Variants in RBFOX3 observed in about 807,000 individuals in gnomAD.
RBFOX3 encodes the protein RNA binding protein fox-1 homolog 3.
RBFOX3 carries 17 observed loss-of-function variants against 48.7 expected under a neutral mutation model. The observed-to-expected ratio is 0.35, with a 90% CI of 0.24 to 0.52. The LOEUF (loss-of-function observed/expected upper bound fraction) is 0.52. Among genes scored for constraint, RBFOX3 ranks in the 20% least tolerant of loss-of-function variants. RBFOX3 has a pLI of 0.94. For missense variants in RBFOX3, 382 were observed against 497.5 expected (o/e 0.77, Z 2.21); for synonymous variants, 212 against 209.5 (o/e 1.01, Z -0.10).
At chr17:79,136,990 G>T (rs1157255304) in intron 4 of RBFOX3, among the ~76,000 whole-genome samples, 1 of 152,116 alleles carries the variant, frequency 6.6e-6, no homozygotes, top group Admixed American at 6.5e-5. Flanking sequence ...TGCACATTCA[G>T]CCACACGCCT....
chr17:79,215,832 C>T (rs1456499417), intron 4 of RBFOX3, among the ~76,000 whole-genome samples: 3 of 152,256 alleles, frequency 2.0e-5, no homozygotes, highest in Non-Finnish European at 4.4e-5. Flanking sequence ...GGGCACACTG[C>T]CGGGCTCAAT....
intron 5 of RBFOX3, among the ~76,000 whole-genome samples, chr17:79,114,725 G>C (rs929567918): frequency 6.6e-6 from 1 of 152,200 alleles, no homozygotes; most frequent in Admixed American, 6.5e-5. Flanking sequence ...AGCGGGGACA[G>C]TTGGATGAAC....
intron 2 of RBFOX3, among the ~76,000 whole-genome samples, chr17:79,439,158 A>G (rs1401970296): frequency 6.6e-6 from 1 of 152,176 alleles, no homozygotes; most frequent in African/African-American, 2.4e-5. Context: ...AGAGGCGCGC[A>G]GCAAGCTGTC....
chr17:79,196,054 G>A (rs1233728378), intron 4 of RBFOX3, among the ~76,000 whole-genome samples: 1 of 152,176 alleles, frequency 6.6e-6, no homozygotes, highest in African/African-American at 2.4e-5. Flanking sequence ...GGAAGGAAGT[G>A]GGAGGGTGAA....
chr17:79,310,040 G>A (rs575158578), intron 2 of RBFOX3, among the ~76,000 whole-genome samples: 1 of 152,332 alleles, frequency 6.6e-6, no homozygotes, highest in South Asian at 2.1e-4. Context: ...TGGAGCTGCT[G>A]CGTGGTCTCC....
chr17:79,472,150 T>C (rs1555757398), intron 2 of RBFOX3, among the ~76,000 whole-genome samples: 12 of 152,184 alleles, frequency 7.9e-5, no homozygotes. Flanking sequence ...CCACTTGGCC[T>C]CCATCCCAGA....
intron 3 of RBFOX3, among the ~76,000 whole-genome samples, chr17:79,278,871 C>A (rs1230515056): frequency 6.6e-6 from 1 of 152,202 alleles, no homozygotes; most frequent in African/African-American, 2.4e-5. Context: ...AAATGCAAGC[C>A]GTGGGAGGAG....
intron 1 of RBFOX3, among the ~76,000 whole-genome samples, chr17:79,604,841 T>C (rs1298962237): frequency 6.6e-6 from 1 of 152,184 alleles, no homozygotes; most frequent in Non-Finnish European, 1.5e-5. Flanking sequence ...GATAGCCTGC[T>C]CCTCCATGTT....
At chr17:79,202,977 CCTT>C (rs2056989120) in intron 4 of RBFOX3, among the ~76,000 whole-genome samples, 1 of 152,158 alleles carries the variant, frequency 6.6e-6, no homozygotes, top group East Asian at 1.9e-4. Flanking sequence ...CCCTTGGATT[CCTT>C]CTCCTTTCCC....
At chr17:79,162,075 A>T (rs1262321314) in intron 4 of RBFOX3, among the ~76,000 whole-genome samples, 1 of 152,222 alleles carries the variant, frequency 6.6e-6, no homozygotes, top group Non-Finnish European at 1.5e-5. Context: ...ATTGGGAGCC[A>T]GAAAAAGGAG....
At chr17:79,437,098 G>C (rs1174475336) in intron 2 of RBFOX3, among the ~76,000 whole-genome samples, 6 of 152,158 alleles carry the variant, frequency 3.9e-5, no homozygotes, top group Non-Finnish European at 8.8e-5. Flanking sequence ...GTGCTCAGGA[G>C]GGTCTCTGGG....
At chr17:79,359,421 A>G (rs956783438) in intron 2 of RBFOX3, among the ~76,000 whole-genome samples, 1 of 152,220 alleles carries the variant, frequency 6.6e-6, no homozygotes, top group East Asian at 1.9e-4. Context: ...CCTTTATTTT[A>G]TCTAGCAAGC....
the RBFOX3 span, among the ~76,000 whole-genome samples, chr17:79,623,494 C>T: frequency 6.6e-6 from 1 of 152,120 alleles, no homozygotes; most frequent in Non-Finnish European, 1.5e-5. Context: ...TCCAGGTGGC[C>T]CAACGTAACC....
chr17:79,435,758 A>C (rs2069311258), intron 2 of RBFOX3, among the ~76,000 whole-genome samples: 1 of 152,196 alleles, frequency 6.6e-6, no homozygotes, highest in Non-Finnish European at 1.5e-5. Context: ...GTCTCCATGC[A>C]GGTGGTTCTT....
intron 1 of RBFOX3, chr17:79,604,039 A>G (rs1489679300): frequency 6.6e-6 from 1 of 152,292 alleles, no homozygotes; most frequent in African/African-American, 2.4e-5. Flanking sequence ...TTAAGAGCTC[A>G]TGAAAGGTAA....
chr17:79,264,260 G>A (rs867907375), intron 3 of RBFOX3, among the ~76,000 whole-genome samples: 3 of 151,930 alleles, frequency 2.0e-5, no homozygotes, highest in Admixed American at 2.0e-4. Flanking sequence ...ATTTTTAGTA[G>A]AGACAGGATT....
At chr17:79,354,223 G>C (rs982579147) in intron 2 of RBFOX3, among the ~76,000 whole-genome samples, 4 of 152,184 alleles carry the variant, frequency 2.6e-5, no homozygotes, top group African/African-American at 9.7e-5. Flanking sequence ...GTGATCCTGT[G>C]GGTTTGGGCA....
the RBFOX3 span, among the ~76,000 whole-genome samples, chr17:79,640,025 A>G: frequency 6.6e-6 from 1 of 152,204 alleles, no homozygotes; most frequent in East Asian, 1.9e-4. Context: ...GAAAGAAGTA[A>G]ATTTTTTTCT....
At chr17:79,549,475 C>T (rs782215756) in intron 1 of RBFOX3, among the ~76,000 whole-genome samples, 5 of 152,248 alleles carry the variant, frequency 3.3e-5, no homozygotes, top group Non-Finnish European at 5.9e-5. Flanking sequence ...TCTGCAGAGA[C>T]GTGAGAGCAA....
Sources: allele counts gnomAD v4.1 joint callset (sites outside exome capture counted in the v4.1 genomes callset), GRCh38; gene constraint gnomAD v4.1.1; transcripts MANE v1.5; gene names NCBI Gene and HGNC (gene_info 2026-07-23, HGNC 2026-07-21).